The following CEP57L1 variants were observed in gnomAD, a reference collection of about 807,000 sequenced individuals.
CEP57L1 encodes the protein centrosomal protein CEP57L1.
Under a neutral mutation model 61.0 loss-of-function variants are expected in CEP57L1, and 37 were observed. The observed-to-expected ratio is 0.61, with a 90% CI of 0.47 to 0.80. CEP57L1 has a LOEUF of 0.80. Among genes scored for constraint, CEP57L1 ranks in the 30% least tolerant of loss-of-function variants. CEP57L1 has a pLI of 0.00. For missense variants in CEP57L1, 422 were observed against 524.7 expected, an observed-to-expected ratio of 0.80 and a Z score of 1.91; for synonymous variants, 137 against 162.3, an observed-to-expected ratio of 0.84 and a Z score of 1.19.
intron 1 of CEP57L1, among the ~76,000 whole-genome samples, chr6:109,112,982 T>C (rs1336735104): frequency 1.3e-5 from 2 of 152,156 alleles, no homozygotes; most frequent in Non-Finnish European, 2.9e-5. Context: ...GGAATGTATA[T>C]TCTGTTGATT....
intron 1 of CEP57L1, chr6:109,129,555 C>T: frequency 2.2e-6 from 1 of 455,292 alleles, no homozygotes; most frequent in Non-Finnish European, 4.4e-6. Flanking sequence ...TTTACTTCTA[C>T]ATTAAATTTT....
intron 1 of CEP57L1, among the ~76,000 whole-genome samples, chr6:109,139,193 C>A (rs1771071657): frequency 6.6e-6 from 1 of 152,156 alleles, no homozygotes; most frequent in Admixed American, 6.5e-5. Flanking sequence ...AAATGCCGGA[C>A]AAAGAGATGA....
At chr6:109,130,578 A>C (rs79036879) in intron 1 of CEP57L1, among the ~76,000 whole-genome samples, 2,482 of 151,374 alleles carry the variant, frequency 0.016, 84 homozygotes, top group African/African-American at 0.057. Flanking sequence ...GGTTCTTCTG[A>C]ATACATATGC....
chr6:109,160,867 C>T, intron 10 of CEP57L1, 151 bp downstream of exon 10: 1 of 616,624 alleles, frequency 1.6e-6, no homozygotes, highest in Non-Finnish European at 2.5e-6. Context: ...CAGAATAGAG[C>T]CATCTGTCCC....
In CEP57L1 at chr6:109,169,504, A is replaced by G. The variant is rs994299279; in HGVS notation, c.*6534A>G. Among the ~76,000 whole-genome samples the G allele has an allele frequency of 1.3e-5, 2 of 152,208 alleles. No homozygotes were observed. Among genetic ancestry groups the G allele is most frequent in the African/African-American group, 4.8e-5 (2 of 41,456 alleles). On this transcript the variant is annotated 3_prime_UTR_variant, in exon 11 of 11. Coordinates refer to ENST00000517392, the MANE Select transcript of CEP57L1 (RefSeq NM_001271852.3). ...CCAGAAATATTGTTTCATGTGTTTT[A>G]CAGATAACAAGTCTCATTTTAATCA...
intron 1 of CEP57L1, among the ~76,000 whole-genome samples, chr6:109,117,935 A>C (rs78885459): frequency 0.14 from 21,026 of 152,172 alleles, 1,741 homozygotes; most frequent in African/African-American, 0.22. Context: ...GCATAGTGAG[A>C]TGTAAGTTAA....
At chr6:109,155,763 G>T (rs1178421788) in intron 6 of CEP57L1, 28 bp from the exon 7 acceptor site, 1 of 1,185,282 alleles carries the variant, frequency 8.4e-7, no homozygotes, top group Admixed American at 1.9e-5. Context: ...ACAAATCAAT[G>T]TTATAACCTT....
At chr6:109,095,865 C>T (rs1781634278) in intron 1 of CEP57L1, among the ~76,000 whole-genome samples, 1 of 152,124 alleles carries the variant, frequency 6.6e-6, no homozygotes, top group African/African-American at 2.4e-5. Flanking sequence ...CTGATTCCGC[C>T]CTTTTTTGTG....
chr6:109,146,744 T>C lies in CEP57L1; in HGVS notation c.161-14T>C. On this transcript the variant is annotated splice_polypyrimidine_tract_variant and intron_variant, in intron 2 of 10. Coordinates refer to ENST00000517392, the MANE Select transcript of CEP57L1 (RefSeq NM_001271852.3). ...ACTTTCACTTAAAATATCAACAAAA[T>C]TTTTTTTCAACAGCTCTTATTTTAG... 6.6e-7 allele frequency: 1 copy of C among 1,512,958 alleles called. No individual in the cohort carries two copies. The highest frequency in any genetic ancestry group is 8.9e-7 in the Non-Finnish European group (1 of 1,129,014). The allele number at this position is 1,512,958 out of a possible 1,614,324, so 93.7% of individuals were successfully genotyped here. A position where few individuals can be genotyped will look rare whatever the true frequency, so the allele number is the denominator to read the frequency against.
In CEP57L1 at chr6:109,158,875, A is replaced by G. The variant is rs916367316; in HGVS notation, c.745-150A>G. ...TTGAATATCTTTTCGTATGTTTGTC[A>G]TACGTATGTCTATGTCAGTGAAATT... On this transcript the variant is annotated intron_variant, in intron 7 of 10. Transcript: ENST00000517392. 60 of 689,836 alleles carry G rather than the reference A, an allele frequency of 8.7e-5. 1 individual carries two copies. Among genetic ancestry groups the G allele is most frequent in the Middle Eastern group, 4.0e-4 (1 of 2,476 alleles). The allele number at this position is 689,836 out of a possible 1,614,324, so 42.7% of individuals were successfully genotyped here.
intron 1 of CEP57L1, chr6:109,129,561 A>G: frequency 2.2e-6 from 1 of 454,596 alleles, no homozygotes; most frequent in Non-Finnish European, 4.4e-6. Context: ...TCTACATTAA[A>G]TTTTCAACCT....
intron 1 of CEP57L1, among the ~76,000 whole-genome samples, chr6:109,123,246 C>A (rs1359323714): frequency 6.6e-6 from 1 of 152,036 alleles, no homozygotes; most frequent in African/African-American, 2.4e-5. Context: ...ACTGACTGAG[C>A]TAGCTGGGGC....
chr6:109,101,705 C>G (rs909617900), intron 1 of CEP57L1, among the ~76,000 whole-genome samples: 3 of 151,542 alleles, frequency 2.0e-5, no homozygotes, highest in Non-Finnish European at 2.9e-5. Context: ...ACTGCAAACT[C>G]CGCTGCCGGG....
In CEP57L1 at chr6:109,131,868, T is replaced by C. The variant is rs143203776; in HGVS notation, c.-3-13351T>C. 1.6e-3 allele frequency among the ~76,000 whole-genome samples: 241 copies of C among 152,178 alleles called. 1 individual carries two copies. The highest frequency in any genetic ancestry group is 5.5e-3 in the African/African-American group (227 of 41,538). On this transcript the variant is annotated intron_variant, in intron 1 of 10. Transcript: ENST00000517392. ...CTTTAAAGAAGTAGTCCTGCTTGCA[T>C]GGGACAGAGGAAGTCTGAGCCTAGG...
At chr6:109,110,822 G>C (rs575073818) in intron 1 of CEP57L1, among the ~76,000 whole-genome samples, 2 of 152,288 alleles carry the variant, frequency 1.3e-5, no homozygotes, top group African/African-American at 4.8e-5. Context: ...CTTTGTCAAA[G>C]ATCAGATGGT....
At chr6:109,139,067 C>T (rs926014154) in intron 1 of CEP57L1, among the ~76,000 whole-genome samples, 7 of 152,094 alleles carry the variant, frequency 4.6e-5, no homozygotes, top group Non-Finnish European at 8.8e-5. Context: ...GCTTTGGTGC[C>T]AATGTTAAGT....
At position 109,172,549 on chromosome 6, in the gene CEP57L1, A is replaced by G. The variant is rs1275041691; in HGVS notation, c.*9579A>G. On this transcript the variant is annotated 3_prime_UTR_variant, in exon 11 of 11. Coordinates refer to ENST00000517392, the MANE Select transcript of CEP57L1 (RefSeq NM_001271852.3). ...TTTCTTTGGAATGTGAAAAGTTTAC[A>G]CAATCAAGACTTGCTATGTTGATCC... Among the ~76,000 whole-genome samples, 3 of 152,364 alleles carry G rather than the reference A, an allele frequency of 2.0e-5. No individual in the cohort carries two copies. Among genetic ancestry groups the G allele is most frequent in the Admixed American group, 6.5e-5 (1 of 15,298 alleles).
intron 8 of CEP57L1, 29 bp downstream of exon 8, chr6:109,159,131 T>G (rs1773492364): frequency 6.2e-7 from 1 of 1,613,886 alleles, no homozygotes; most frequent in African/African-American, 1.3e-5. Context: ...AAGATAGTCG[T>G]TCAAAAAAAC....
intron 1 of CEP57L1, among the ~76,000 whole-genome samples, chr6:109,099,751 T>C (rs1782150367): frequency 6.6e-6 from 1 of 152,166 alleles, no homozygotes; most frequent in Admixed American, 6.5e-5. Context: ...GGTTTCACCA[T>C]GTTGGGCAGG....
Sources: gnomAD v4.1 joint callset for allele counts (sites outside exome capture counted in the v4.1 genomes callset) on GRCh38, gnomAD v4.1.1 for gene constraint, MANE v1.5 for transcripts, NCBI Gene and HGNC (gene_info 2026-07-23, HGNC 2026-07-21) for gene names.